The following FAM78B variants were observed in gnomAD, a reference collection of about 807,000 sequenced individuals.
The protein encoded by FAM78B is protein FAM78B.
In FAM78B, 10 loss-of-function variants were observed where a neutral mutation model predicts 20.0. The ratio of observed to expected loss-of-function variants is 0.50; its 90% CI spans 0.31 to 0.85. The LOEUF (loss-of-function observed/expected upper bound fraction) is 0.85, where lower values mean the gene tolerates loss of function less well. FAM78B is among the 40% of genes least tolerant of loss of function. The pLI is 0.05. For synonymous variants in FAM78B, 135 were observed against 132.8 expected, an observed-to-expected ratio of 1.02 and a Z score of -0.12; for missense variants, 283 against 345.0, an observed-to-expected ratio of 0.82 and a Z score of 1.42.
intron 1 of FAM78B, among the ~76,000 whole-genome samples, chr1:166,097,051 A>G (rs1433813777): frequency 6.6e-6 from 1 of 152,170 alleles, no homozygotes; most frequent in Non-Finnish European, 1.5e-5. Context: ...GAGTGCCCCA[A>G]CTGCAGAAGC....
chr1:166,126,738 G>A (rs1427036464), intron 1 of FAM78B, among the ~76,000 whole-genome samples: 1 of 152,034 alleles, frequency 6.6e-6, no homozygotes, highest in African/African-American at 2.4e-5. Flanking sequence ...GCATTATGTA[G>A]GCTACAATAT....
chr1:166,131,774 G>C (rs918103678), intron 1 of FAM78B, among the ~76,000 whole-genome samples: 21 of 152,276 alleles, frequency 1.4e-4, no homozygotes, highest in African/African-American at 4.8e-4. Context: ...AAAAAAGTAA[G>C]GTTACGTGGC....
chr1:166,137,056 A>T (rs964029719), intron 1 of FAM78B, among the ~76,000 whole-genome samples: 1 of 152,184 alleles, frequency 6.6e-6, no homozygotes, highest in African/African-American at 2.4e-5. Flanking sequence ...TTTCCTACAG[A>T]TCTATAGAAA....
At chr1:166,056,783 T>C (rs1377063696), downstream of FAM78B, among the ~76,000 whole-genome samples, 3 of 152,118 alleles carry the variant, frequency 2.0e-5, no homozygotes, top group African/African-American at 7.2e-5. Flanking sequence ...AATGTTCTCT[T>C]TCTCCCAATT....
chr1:166,060,645 C>T, exon 3 of FAM78B: 1 of 1,288,834 alleles, frequency 7.8e-7, no homozygotes, highest in Non-Finnish European at 1.0e-6. Context: ...GCTGGGCTTT[C>T]CTTGTCCTAC....
chr1:166,103,772 C>G (rs12064073), intron 1 of FAM78B, among the ~76,000 whole-genome samples: 29,650 of 152,042 alleles, frequency 0.2, 3,279 homozygotes, highest in East Asian at 0.37. Flanking sequence ...TCCACCAGAG[C>G]TTCAAGGAGG....
downstream of FAM78B, chr1:166,057,412 A>G (rs575044569): frequency 2.6e-5 from 4 of 152,244 alleles, no homozygotes; most frequent in Non-Finnish European, 4.4e-5. Context: ...GGACAAAATT[A>G]AAGAGAAAAC....
chr1:166,058,805 T>C (rs1651459473), exon 3 of FAM78B: 1 of 152,446 alleles, frequency 6.6e-6, no homozygotes, highest in African/African-American at 2.4e-5. Flanking sequence ...AGTGGAGATC[T>C]TGTAGATGTG....
intron 1 of FAM78B, among the ~76,000 whole-genome samples, chr1:166,086,231 T>C (rs933274157): frequency 4.6e-5 from 7 of 152,166 alleles, no homozygotes; most frequent in African/African-American, 1.7e-4. Flanking sequence ...CCAAAGGCTT[T>C]TGCAGCCAGT....
Position 166,152,655 on chromosome 1 carries a change from G to GATTGATTGATTT in FAM78B, c.263+13330_263+13331insAAATCAATCAAT, listed in dbSNP as rs369101683. On this transcript the variant is annotated intron_variant, in intron 1 of 1. Transcript: ENST00000354422. ...CTCAGGGGAAGTTCTTGGTACTCTGGATTTATTTATTTATTTATTTATTTA... is the reference window on the plus strand; with the variant it reads ...CTCAGGGGAAGTTCTTGGTACTCTGGATTGATTGATTTATTTATTTATTTATTTATTTATTTA... Among the ~76,000 whole-genome samples, 1,128 of 140,574 alleles carry GATTGATTGATTT rather than the reference G, an allele frequency of 8.0e-3. 19 individuals carry two copies. The highest frequency in any genetic ancestry group is 0.03 in the African/African-American group (1,048 of 34,638). 92.2% of individuals were successfully genotyped at this position (140,574 alleles called of 152,430 possible).
intron 1 of FAM78B, among the ~76,000 whole-genome samples, chr1:166,095,442 A>G (rs1197208285): frequency 6.6e-6 from 1 of 152,200 alleles, no homozygotes; most frequent in East Asian, 1.9e-4. Context: ...GCAGACAGGA[A>G]TGCTGATGAG....
intron 1 of FAM78B, among the ~76,000 whole-genome samples, chr1:166,123,282 T>C (rs1051900498): frequency 2.0e-5 from 3 of 152,232 alleles, no homozygotes; most frequent in South Asian, 2.1e-4. Flanking sequence ...CTGGGCTTCA[T>C]AGATGAAGAC....
At chr1:166,131,152 C>T (rs1440410864) in intron 1 of FAM78B, among the ~76,000 whole-genome samples, 6 of 151,972 alleles carry the variant, frequency 3.9e-5, no homozygotes, top group East Asian at 1.9e-4. Context: ...CCACCACACC[C>T]GGCTAATTTT....
At chr1:166,095,067 C>T (rs900790912) in intron 1 of FAM78B, among the ~76,000 whole-genome samples, 1 of 152,088 alleles carries the variant, frequency 6.6e-6, no homozygotes, top group Non-Finnish European at 1.5e-5. Context: ...ATCATTAGAC[C>T]TGGTCTAATG....
chr1:166,109,151 A>G (rs1219248535), intron 1 of FAM78B, among the ~76,000 whole-genome samples: 1 of 152,180 alleles, frequency 6.6e-6, no homozygotes, highest in Non-Finnish European at 1.5e-5. Context: ...AAACAAAGAT[A>G]AATAGTTGAG....
intron 1 of FAM78B, among the ~76,000 whole-genome samples, chr1:166,092,119 G>C (rs898166320): frequency 6.6e-6 from 1 of 150,664 alleles, no homozygotes; most frequent in Non-Finnish European, 1.5e-5. Flanking sequence ...CCAGAACTTA[G>C]CTCTCAGCAG....
intron 1 of FAM78B, among the ~76,000 whole-genome samples, chr1:166,073,454 T>C (rs1462441160): frequency 6.6e-6 from 1 of 151,954 alleles, no homozygotes; most frequent in African/African-American, 2.4e-5. Flanking sequence ...TTATGAAAAA[T>C]AGATACTAAT....
At chr1:166,157,876 C>A (rs894974170) in intron 1 of FAM78B, among the ~76,000 whole-genome samples, 3 of 152,184 alleles carry the variant, frequency 2.0e-5, no homozygotes, top group Non-Finnish European at 4.4e-5. Flanking sequence ...AGGATGTCGT[C>A]CCCCTGCTCC....
intron 1 of FAM78B, among the ~76,000 whole-genome samples, chr1:166,163,387 G>T (rs3851900): frequency 4.7e-4 from 72 of 152,300 alleles, no homozygotes; most frequent in African/African-American, 1.7e-3. Context: ...ACCCCTTCTT[G>T]GAAAAGTTTA....
Sources: gnomAD v4.1 joint callset for allele counts (sites outside exome capture counted in the v4.1 genomes callset) on GRCh38, gnomAD v4.1.1 for gene constraint, MANE v1.5 for transcripts, NCBI Gene and HGNC (gene_info 2026-07-23, HGNC 2026-07-21) for gene names.